SEC31A: variants seen among roughly 807,000 people sequenced by gnomAD.
SEC31A encodes the protein SEC31 homolog A, COPII component.
In SEC31A, 70 loss-of-function variants were observed where a neutral mutation model predicts 151.0. The observed-to-expected ratio is 0.46, with a 90% confidence interval of 0.38 to 0.57. The LOEUF is 0.57. SEC31A is among the 20% of genes least tolerant of loss of function. The probability of loss-of-function intolerance (pLI) is 0.00; values close to 1 mark genes in which losing one functional copy is unlikely to be tolerated. For missense variants in SEC31A, 1,330 were observed against 1,471.2 expected, an observed-to-expected ratio of 0.90 and a Z score of 1.57; for synonymous variants, 475 against 505.9, an observed-to-expected ratio of 0.94 and a Z score of 0.82.
intron 22 of SEC31A, among the ~76,000 whole-genome samples, chr4:82,833,002 C>T (rs1263542507): frequency 6.6e-6 from 1 of 152,190 alleles, no homozygotes; most frequent in South Asian, 2.1e-4. Context: ...TGTGGCGATT[C>T]CTCAAGGATC....
At chr4:82,862,212 C>T (rs1221626066) in intron 13 of SEC31A, among the ~76,000 whole-genome samples, 6 of 149,486 alleles carry the variant, frequency 4.0e-5, no homozygotes, top group African/African-American at 1.2e-4. Context: ...CACACCCGGC[C>T]CACTTTCCCA....
chr4:82,835,716 A>G (rs994662114), intron 22 of SEC31A, among the ~76,000 whole-genome samples: 2 of 152,052 alleles, frequency 1.3e-5, no homozygotes, highest in African/African-American at 4.8e-5. Flanking sequence ...AATTGCTTGA[A>G]CCTAGGAGAC....
intron 20 of SEC31A, 66 bp from the exon 21 acceptor site, chr4:82,844,575 T>C (rs1457721213): frequency 6.1e-6 from 9 of 1,476,516 alleles, no homozygotes; most frequent in South Asian, 6.1e-5. Flanking sequence ...CAGATGGAAT[T>C]ACAATCTCTG....
chr4:82,856,894 T>A, intron 16 of SEC31A, 58 bp downstream of exon 16: 1 of 1,365,898 alleles, frequency 7.3e-7, no homozygotes, highest in Non-Finnish European at 1.0e-6. Flanking sequence ...AATAACAGTG[T>A]ATTGTTTTTA....
rs1388895122 is a variant in SEC31A at position 82,837,188 on chromosome 4, TATATATATATA to T, written c.2968+4941_2968+4951del. On this transcript the variant is annotated intron_variant, in intron 22 of 26. Coordinates refer to ENST00000395310, the MANE Select transcript of SEC31A (RefSeq NM_001077207.4). ...ATATATATATATATATATATATATATATATATATATAATTTCACCACAATAAAAACTTTAAT... is the reference window on the plus strand; with the variant it reads ...ATATATATATATATATATATATATATATTTCACCACAATAAAAACTTTAAT... Among the ~76,000 whole-genome samples, 149 of 53,692 alleles carry T rather than the reference TATATATATATA, an allele frequency of 2.8e-3. 4 individuals are homozygous for T. Among genetic ancestry groups the T allele is most frequent in the Middle Eastern group, 0.011 (1 of 90 alleles). The allele number at this position is 53,692 out of a possible 152,430, so 35.2% of individuals were successfully genotyped here.
At chr4:82,879,579 T>C (rs150024758) in intron 3 of SEC31A, among the ~76,000 whole-genome samples, 22 of 152,302 alleles carry the variant, frequency 1.4e-4, no homozygotes, top group African/African-American at 5.1e-4. Context: ...TATACGATGA[T>C]ACAGATGGTA....
At chr4:82,824,771 G>A (rs1161623089) in intron 24 of SEC31A, 97 bp from the exon 25 acceptor site, 10 of 1,336,892 alleles carry the variant, frequency 7.5e-6, no homozygotes, top group South Asian at 1.5e-5. Context: ...CGACAACCTT[G>A]TACATAGACC....
Position 82,840,698 on chromosome 4 carries a change from T to C in SEC31A, c.2968+1442A>G, listed in dbSNP as rs117408060. On this transcript the variant is annotated intron_variant, in intron 22 of 26. Transcript: ENST00000395310. ...CACCTAGGCTGTATAATATAGCCTA[T>C]TACTCCTAGGGTACAAACCTGTACA... Among the ~76,000 whole-genome samples the C allele has an allele frequency of 6.4e-4, 97 of 152,342 alleles. No individual in the cohort carries two copies. The East Asian group carries it at 0.018, about 28-fold the overall frequency.
At chr4:82,873,766 C>T (rs905508637) in intron 6 of SEC31A, among the ~76,000 whole-genome samples, 2 of 151,784 alleles carry the variant, frequency 1.3e-5, no homozygotes, top group African/African-American at 4.8e-5. Context: ...ACAAAAAAAG[C>T]TCCAAATTAT....
intron 4 of SEC31A, among the ~76,000 whole-genome samples, chr4:82,878,234 G>C (rs1273130689): frequency 6.6e-6 from 1 of 151,862 alleles, no homozygotes; most frequent in Non-Finnish European, 1.5e-5. Flanking sequence ...AGTGGCTCAC[G>C]TCTGTAATCC....
Position 82,851,593 on chromosome 4 carries a change from C to G in SEC31A, c.2166G>C (p.Glu722Asp), listed in dbSNP as rs756260768. ...CAGCTTTTCGCAGGATGACAACTTT[C>G]TCAATCAGATCCTAAATGAAAAAAA... The part of the protein sequence containing the change: ...SHPLSLQDLI[E>D]KVVILRKAVQ... Residue 722 changes from glutamate to aspartate, a missense_variant, in exon 19 of 27, where the codon GAG becomes GAC. Coordinates refer to ENST00000395310, the MANE Select transcript of SEC31A (RefSeq NM_001077207.4). 1 of 1,608,754 alleles carries G rather than the reference C, an allele frequency of 6.2e-7. No homozygotes were observed. Among genetic ancestry groups the G allele is most frequent in the Non-Finnish European group, 8.5e-7 (1 of 1,176,688 alleles).
At chr4:82,849,457 A>T (rs973216373) in intron 19 of SEC31A, among the ~76,000 whole-genome samples, 1 of 151,944 alleles carries the variant, frequency 6.6e-6, no homozygotes, top group African/African-American at 2.4e-5. Context: ...TACTCAAAAT[A>T]CAAAAAATTA....
intron 1 of SEC31A, among the ~76,000 whole-genome samples, chr4:82,888,350 C>CAAAAAA (rs1177774222): frequency 7.6e-5 from 2 of 26,146 alleles, no homozygotes; most frequent in Non-Finnish European, 1.4e-4. Flanking sequence ...GACTCCGTCT[C>CAAAAAA]AAAAAAAAAA....
rs370308875 is a variant in SEC31A at position 82,867,649 on chromosome 4, T to C, written c.883-333A>G. Among the ~76,000 whole-genome samples, 256 of 152,326 alleles carry C rather than the reference T, an allele frequency of 1.7e-3. 2 individuals carry two copies. Among genetic ancestry groups the C allele is most frequent in the Middle Eastern group, 6.8e-3 (2 of 294 alleles). On this transcript the variant is annotated intron_variant, in intron 8 of 26. Transcript: ENST00000395310. ...AGAGTCAACTTTTTTTTTTCTTTTT[T>C]GAGACAGGGTCTCGCTCTGTCGCCC...
At position 82,856,707 on chromosome 4, in the gene SEC31A, C is replaced by T. The variant is rs374722936; in HGVS notation, c.1881+245G>A. 5.7e-4 allele frequency among the ~76,000 whole-genome samples: 87 copies of T among 152,092 alleles called. 1 individual carries two copies. In the East Asian group the frequency reaches 0.013, roughly 22 times the overall value. On this transcript the variant is annotated intron_variant, in intron 16 of 26. Coordinates refer to ENST00000395310, the MANE Select transcript of SEC31A (RefSeq NM_001077207.4). ...TGGAGGTTGCAGTGAGTCAAGATCA[C>T]GCCACCGGACTCTAGCTGGGGTGAC...
In SEC31A at chr4:82,844,386, G is replaced by T. The variant is rs779799342; in HGVS notation, c.2626C>A (p.Pro876Thr). 2.5e-6 allele frequency: 4 copies of T among 1,613,716 alleles called. No homozygotes were observed. The highest frequency in any genetic ancestry group is 1.1e-5 in the South Asian group (1 of 91,010). ...TQVPPYPQPQ[P>T]YQPAQPYPFG... is the part of the protein sequence containing the mutation. ...AGGACTTTGGGGTCACACTACTTAC[G>T]CTGTGGCTGTGGATAAGGTGGTACC... The change falls in exon 21 of 27, where the codon CCT becomes ACT. Residue 876 changes from proline (P) to threonine (T), a missense_variant and splice_region_variant. Transcript: ENST00000395310.
At position 82,874,715 on chromosome 4, in the gene SEC31A, G is replaced by C. The variant is rs1475104512; in HGVS notation, c.535C>G (p.Gln179Glu). ...GCTGATGCTAAAATATGCTGAACTT[G>C]TCTGTTCCATGCAATGCAGCTGATA... ...EDISCIAWNR[Q>E]VQHILASASP... Residue 179 changes from glutamine (Q) to glutamate (E), a missense_variant, in exon 6 of 27, where the codon CAA becomes GAA. Transcript: ENST00000395310. 3 of 1,612,544 alleles carry C rather than the reference G, an allele frequency of 1.9e-6. No individual in the cohort carries two copies. Among genetic ancestry groups the C allele is most frequent in the Non-Finnish European group, 2.5e-6 (3 of 1,179,784 alleles).
Position 82,872,601 on chromosome 4 carries a change from G to A in SEC31A, c.640-515C>T, listed in dbSNP as rs144698226. Reference sequence around the variant, plus strand: ...ATATTTGAATATTTTCTCAATTCATGCAGCTATTTGATACACACAAAACCA... The same window carrying A: ...ATATTTGAATATTTTCTCAATTCATACAGCTATTTGATACACACAAAACCA... On this transcript the variant is annotated intron_variant, in intron 6 of 26. Coordinates refer to ENST00000395310, the MANE Select transcript of SEC31A (RefSeq NM_001077207.4). Among the ~76,000 whole-genome samples the A allele has an allele frequency of 3.2e-3, 482 of 152,300 alleles. 6 individuals are homozygous for A. The highest frequency in any genetic ancestry group is 0.011 in the African/African-American group (447 of 41,566).
chr4:82,821,314 C>T, intron 25 of SEC31A: 11 of 478,744 alleles, frequency 2.3e-5, no homozygotes, highest in Non-Finnish European at 4.1e-5. Flanking sequence ...TTTGGGAGAC[C>T]AAGGCAGGCA....
Sources: allele counts gnomAD v4.1 joint callset (sites outside exome capture counted in the v4.1 genomes callset), GRCh38; gene constraint gnomAD v4.1.1; transcripts MANE v1.5; gene names NCBI Gene and HGNC (gene_info 2026-07-23, HGNC 2026-07-21).